Variants in PKNOX2 observed in about 807,000 individuals in gnomAD.
The protein encoded by PKNOX2 is PBX/knotted 1 homeobox 2.
In PKNOX2, 14 loss-of-function variants were observed where a neutral mutation model predicts 53.1. The ratio of observed to expected loss-of-function variants is 0.26; its 90% CI spans 0.17 to 0.41. The LOEUF is 0.41. Among genes scored for constraint, PKNOX2 ranks in the 10% least tolerant of loss-of-function variants. The probability of loss-of-function intolerance (pLI) is 1.00; values close to 1 mark genes in which losing one functional copy is unlikely to be tolerated. For synonymous variants in PKNOX2, 257 were observed against 242.8 expected (o/e 1.06, Z -0.54); for missense variants, 496 against 602.8 (o/e 0.82, Z 1.85).
intron 2 of PKNOX2, among the ~76,000 whole-genome samples, chr11:125,267,988 A>G (rs149427508): frequency 1.6e-4 from 24 of 152,348 alleles, no homozygotes; most frequent in African/African-American, 3.8e-4. Flanking sequence ...ACAGTATCTG[A>G]CAACTTAAAA....
At chr11:125,253,530 G>T (rs564808025) in intron 2 of PKNOX2, among the ~76,000 whole-genome samples, 1 of 152,184 alleles carries the variant, frequency 6.6e-6, no homozygotes, top group Non-Finnish European at 1.5e-5. Flanking sequence ...TGCCACCGAT[G>T]GTCCCAGGCA....
intron 2 of PKNOX2, among the ~76,000 whole-genome samples, chr11:125,264,366 A>G (rs1439916931): frequency 6.6e-6 from 1 of 152,142 alleles, no homozygotes; most frequent in African/African-American, 2.4e-5. Flanking sequence ...AGCTCAGGCT[A>G]TGGTGGGCCT....
At chr11:125,319,715 C>T (rs1327668803) in intron 2 of PKNOX2, among the ~76,000 whole-genome samples, 1 of 152,186 alleles carries the variant, frequency 6.6e-6, no homozygotes, top group African/African-American at 2.4e-5. Flanking sequence ...GGAGGCTTAC[C>T]TGAGAGGTCA....
rs762537381 is a variant in PKNOX2 at position 125,429,074 on chromosome 11, G to T, written c.999G>T (p.Leu333=). 3.7e-6 allele frequency: 6 copies of T among 1,612,634 alleles called. No homozygotes were observed. Among genetic ancestry groups the T allele is most frequent in the Non-Finnish European group, 3.4e-6 (4 of 1,178,680 alleles). The part of the protein sequence containing the change: ...QIAAQTNLTL[L]QVNNWFINAR... ...CAGCCCAGACCAACCTCACCCTCCT[G>T]CAAGTAAACAACTGGTGAGTTTGCA... The change falls in exon 11 of 13, where the codon CTG becomes CTT. Residue 333 remains leucine (L), a synonymous_variant. Transcript: ENST00000298282.
At chr11:125,383,861 A>G (rs7950499) in intron 5 of PKNOX2, among the ~76,000 whole-genome samples, 43,857 of 152,042 alleles carry the variant, frequency 0.29, 8,152 homozygotes, top group African/African-American at 0.5. Flanking sequence ...CATCCCCTTG[A>G]GCAGAAGCAT....
At chr11:125,252,129 T>C (rs1304733159) in intron 2 of PKNOX2, among the ~76,000 whole-genome samples, 1 of 152,152 alleles carries the variant, frequency 6.6e-6, no homozygotes, top group Non-Finnish European at 1.5e-5. Context: ...TTGTGAAACC[T>C]TGTGGGATCA....
At chr11:125,286,944 G>T (rs1433429073) in intron 2 of PKNOX2, among the ~76,000 whole-genome samples, 1 of 152,206 alleles carries the variant, frequency 6.6e-6, no homozygotes, top group Non-Finnish European at 1.5e-5. Flanking sequence ...GGAAAGCGTT[G>T]CTGATCCTTT....
chr11:125,196,758 C>A (rs1415165244), intron 1 of PKNOX2, among the ~76,000 whole-genome samples: 1 of 152,178 alleles, frequency 6.6e-6, no homozygotes, highest in Non-Finnish European at 1.5e-5. Context: ...TGTTAATTTT[C>A]CATGATTCTA....
At chr11:125,374,527 C>T (rs899013104) in intron 5 of PKNOX2, among the ~76,000 whole-genome samples, 7 of 152,208 alleles carry the variant, frequency 4.6e-5, no homozygotes, top group Non-Finnish European at 1.0e-4. Context: ...AAAGCCTATT[C>T]CCTGCCCTTT....
At position 125,293,553 on chromosome 11, in the gene PKNOX2, A is replaced by T. The variant is rs182054916; in HGVS notation, c.-129-38266A>T. On this transcript the variant is annotated intron_variant, in intron 2 of 12. Coordinates refer to ENST00000298282, the MANE Select transcript of PKNOX2 (RefSeq NM_001382323.2). ...GCTTGACAGACACCCCAGGTCTTGC[A>T]TCTGGCAGCCTTGCCATCTAACCCT... Among the ~76,000 whole-genome samples the T allele has an allele frequency of 3.3e-5, 5 of 152,282 alleles. No individual in the cohort carries two copies. In the East Asian group the frequency reaches 9.6e-4, roughly 29 times the overall value.
At chr11:125,330,078 C>T (rs758647639) in intron 2 of PKNOX2, among the ~76,000 whole-genome samples, 7 of 151,650 alleles carry the variant, frequency 4.6e-5, no homozygotes, top group Non-Finnish European at 7.4e-5. Flanking sequence ...TGCAGGGGTG[C>T]GCTGTGGGGC....
intron 7 of PKNOX2, among the ~76,000 whole-genome samples, chr11:125,403,647 T>C (rs545576640): frequency 6.0e-4 from 92 of 152,310 alleles, no homozygotes; most frequent in Middle Eastern, 3.4e-3. Flanking sequence ...CCAGAGCCCA[T>C]GTTCTTCTTG....
At chr11:125,188,927 C>G (rs1036406774) in intron 1 of PKNOX2, among the ~76,000 whole-genome samples, 2 of 151,864 alleles carry the variant, frequency 1.3e-5, no homozygotes, top group African/African-American at 4.8e-5. Flanking sequence ...TGGCACCCTG[C>G]AGAAAAGTCC....
intron 11 of PKNOX2, 46 bp downstream of exon 11, chr11:125,429,134 C>G (rs942782459): frequency 9.8e-6 from 15 of 1,524,100 alleles, no homozygotes; most frequent in Non-Finnish European, 1.2e-5. Context: ...CCAGGGGCCA[C>G]CTTCTGGGCA....
intron 10 of PKNOX2, among the ~76,000 whole-genome samples, chr11:125,417,634 G>C (rs12275781): frequency 0.017 from 2,571 of 152,098 alleles, 125 homozygotes; most frequent in African/African-American, 0.058. Context: ...CCACCACTTT[G>C]ACCCAAGAAA....
chr11:125,318,776 C>G (rs1301797333), intron 2 of PKNOX2, among the ~76,000 whole-genome samples: 2 of 152,124 alleles, frequency 1.3e-5, no homozygotes, highest in Non-Finnish European at 2.9e-5. Context: ...GAGGGAGGGA[C>G]CTGGTGGAGG....
intron 10 of PKNOX2, among the ~76,000 whole-genome samples, chr11:125,420,228 T>TA (rs34911472): frequency 0.53 from 77,632 of 145,432 alleles, 20,966 homozygotes; most frequent in Middle Eastern, 0.61. Context: ...GTTTTTTATT[T>TA]AAAAAAAAAA....
intron 2 of PKNOX2, among the ~76,000 whole-genome samples, chr11:125,314,388 G>A (rs1949021007): frequency 6.6e-6 from 1 of 152,158 alleles, no homozygotes; most frequent in Non-Finnish European, 1.5e-5. Flanking sequence ...GTCAGGGAGG[G>A]GAGACCTTGC....
intron 10 of PKNOX2, among the ~76,000 whole-genome samples, chr11:125,416,566 C>T (rs1440145028): frequency 1.3e-5 from 2 of 151,978 alleles, no homozygotes; most frequent in Non-Finnish European, 2.9e-5. Flanking sequence ...AACGTACATA[C>T]TTTATTAATA....
Sources: allele counts gnomAD v4.1 joint callset (sites outside exome capture counted in the v4.1 genomes callset), GRCh38; gene constraint gnomAD v4.1.1; transcripts MANE v1.5; gene names NCBI Gene and HGNC (gene_info 2026-07-23, HGNC 2026-07-21).